Variants in ZNHIT6 observed in about 807,000 individuals in gnomAD.
ZNHIT6 encodes zinc finger HIT-type containing 6, also known as box C/D snoRNA protein 1.
ZNHIT6 carries 45 observed loss-of-function variants against 57.2 expected under a neutral mutation model. That is an observed-to-expected ratio of 0.79 (90% CI 0.62 to 1.01). The LOEUF (loss-of-function observed/expected upper bound fraction) is 1.01. ZNHIT6 is among the 50% of genes least tolerant of loss of function. The pLI, the probability that ZNHIT6 is intolerant of heterozygous loss-of-function variation, is 0.00. For synonymous variants in ZNHIT6, 188 were observed against 190.0 expected, an observed-to-expected ratio of 0.99 and a Z score of 0.09; for missense variants, 528 against 567.3, an observed-to-expected ratio of 0.93 and a Z score of 0.70.
At chr1:85,705,010 A>G (rs973396243) in intron 4 of ZNHIT6, among the ~76,000 whole-genome samples, 1 of 152,204 alleles carries the variant, frequency 6.6e-6, no homozygotes, top group African/African-American at 2.4e-5. Context: ...TCCCTTCCCA[A>G]TAATTCAAAC....
At chr1:85,682,016 C>CTT (rs11394559) in intron 5 of ZNHIT6, among the ~76,000 whole-genome samples, 1,400 of 132,238 alleles carry the variant, frequency 0.011, 58 homozygotes, top group Admixed American at 0.06. Flanking sequence ...TTTTGTTCAT[C>CTT]TTTTTTTTTT....
At chr1:85,668,417 T>A (rs936702713) in intron 8 of ZNHIT6, among the ~76,000 whole-genome samples, 2 of 152,146 alleles carry the variant, frequency 1.3e-5, no homozygotes, top group African/African-American at 4.8e-5. Flanking sequence ...CGTAATCCCA[T>A]CTAGAGAGCA....
chr1:85,686,166 T>C (rs1039864516), intron 5 of ZNHIT6, among the ~76,000 whole-genome samples: 2 of 151,426 alleles, frequency 1.3e-5, no homozygotes, highest in Admixed American at 1.3e-4. Context: ...TTTCACTATG[T>C]TAGCCAGGAT....
At chr1:85,687,299 C>CAAAAAAAAAAAAAAAA (rs55889012) in intron 5 of ZNHIT6, among the ~76,000 whole-genome samples, 1 of 77,936 alleles carries the variant, frequency 1.3e-5, no homozygotes, top group Non-Finnish European at 2.3e-5. Flanking sequence ...AAAAAAAAAA[C>CAAAAAAAAAAAAAAAA]AAAAAAAAAA....
intron 5 of ZNHIT6, among the ~76,000 whole-genome samples, chr1:85,695,633 A>G (rs1203047377): frequency 6.6e-6 from 1 of 152,246 alleles, no homozygotes; most frequent in Non-Finnish European, 1.5e-5. Flanking sequence ...TTAGAGTAAC[A>G]TGTAATGCCC....
In ZNHIT6 at chr1:85,653,198, A is replaced by T. The variant is rs1022556554; in HGVS notation, c.*860T>A. 1.3e-5 allele frequency: 2 copies of T among 152,196 alleles called. No homozygotes were observed. The highest frequency in any genetic ancestry group is 4.8e-5 in the African/African-American group (2 of 41,456). 9.4% of individuals were successfully genotyped at this position (152,196 alleles called of 1,614,324 possible). On this transcript the variant is annotated 3_prime_UTR_variant, in exon 10 of 10. Coordinates refer to ENST00000370574, the MANE Select transcript of ZNHIT6 (RefSeq NM_017953.4). Reference sequence around the variant, plus strand: ...CAATGTGGAGCCACTGATTTTCTGAAGTGAATATAAGAAACAGTAGTTAAT... The same window carrying T: ...CAATGTGGAGCCACTGATTTTCTGATGTGAATATAAGAAACAGTAGTTAAT...
intron 5 of ZNHIT6, among the ~76,000 whole-genome samples, chr1:85,690,550 T>C (rs1246098061): frequency 6.6e-6 from 1 of 151,974 alleles, no homozygotes; most frequent in African/African-American, 2.4e-5. Flanking sequence ...AGTCCTCCTC[T>C]GTGCTACCAT....
chr1:85,708,258 C>A lies in ZNHIT6; in HGVS notation c.27G>T (p.Gly9=). The part of the protein sequence containing the change: MEFAAENE[G]KSGGGLHSVA... The stretch of plus-strand genomic sequence containing the variant: ...CGCTGTGGAGACCTCCCCCAGACTT[C>A]CCTTCATTTTCAGCAGCAAACTCCA... Residue 9 remains glycine (G), a synonymous_variant, in exon 1 of 10, where the codon GGG becomes GGT. Transcript: ENST00000370574. The A allele has an allele frequency of 5.0e-6, 8 of 1,603,882 alleles. No homozygotes were observed. Among genetic ancestry groups the A allele is most frequent in the Non-Finnish European group, 6.0e-6 (7 of 1,172,752 alleles).
intron 5 of ZNHIT6, among the ~76,000 whole-genome samples, chr1:85,698,496 CTT>C (rs2100713464): frequency 6.6e-6 from 1 of 152,180 alleles, no homozygotes; most frequent in Admixed American, 6.5e-5. Context: ...TAAATGTAGA[CTT>C]TATAGAAAAG....
In ZNHIT6 at chr1:85,680,830, T is replaced by C. The variant is rs1570309755; in HGVS notation, c.1088+6A>G. ...CAAATCAGTGATTGAAAGATAGCAG[T>C]GATACCTTTTTTCTATGTACTCAGC... On this transcript the variant is annotated splice_donor_region_variant and intron_variant, in intron 6 of 9. Transcript: ENST00000370574. The C allele has an allele frequency of 6.2e-7, 1 of 1,606,372 alleles. No homozygotes were observed. Among genetic ancestry groups the C allele is most frequent in the Non-Finnish European group, 8.5e-7 (1 of 1,175,374 alleles).
chr1:85,667,947 C>CAAAAAAAAAAAA lies in ZNHIT6; in HGVS notation c.1247+9277_1247+9288dup, dbSNP rs1156795211. 1.6e-3 allele frequency among the ~76,000 whole-genome samples: 15 copies of CAAAAAAAAAAAA among 9,256 alleles called. 3 individuals carry two copies. Among genetic ancestry groups the CAAAAAAAAAAAA allele is most frequent in the Non-Finnish European group, 2.9e-3 (13 of 4,546 alleles). 6.1% of individuals were successfully genotyped at this position (9,256 alleles called of 152,430 possible). A position where few individuals can be genotyped will look rare whatever the true frequency, so the allele number is the denominator to read the frequency against. Reference sequence around the variant, plus strand: ...AGACTCATTCACTCACTCTCTCTTTCAAAAAAAAAAAAAAATATATATATA... The same window carrying CAAAAAAAAAAAA: ...AGACTCATTCACTCACTCTCTCTTTCAAAAAAAAAAAAAAAAAAAAAAAAAAATATATATATA... On this transcript the variant is annotated intron_variant, in intron 8 of 9. Coordinates refer to ENST00000370574, the MANE Select transcript of ZNHIT6 (RefSeq NM_017953.4).
At chr1:85,654,700 T>C (rs80007576) in intron 9 of ZNHIT6, among the ~76,000 whole-genome samples, 9,353 of 152,290 alleles carry the variant, frequency 0.061, 376 homozygotes, top group African/African-American at 0.11. Flanking sequence ...GCTGAATCAA[T>C]GTAACTGCAA....
chr1:85,705,970 G>C (rs1230094971), intron 4 of ZNHIT6, 108 bp downstream of exon 4: 1 of 898,316 alleles, frequency 1.1e-6, no homozygotes, highest in South Asian at 1.8e-5. Context: ...AATCAGAATA[G>C]CTCTACATCA....
chr1:85,665,296 ATTTTTT>A (rs890742141), intron 8 of ZNHIT6, among the ~76,000 whole-genome samples: 1 of 144,906 alleles, frequency 6.9e-6, no homozygotes, highest in Non-Finnish European at 1.5e-5. Context: ...TTTGATTTTT[ATTTTTT>A]TTTGTAGAGA....
At chr1:85,687,151 TC>T (rs1662068161) in intron 5 of ZNHIT6, among the ~76,000 whole-genome samples, 1 of 150,780 alleles carries the variant, frequency 6.6e-6, no homozygotes, top group Non-Finnish European at 1.5e-5. Context: ...TTGGTGGCGC[TC>T]AACTGTAGTC....
chr1:85,668,955 A>T (rs1367852322), intron 8 of ZNHIT6, among the ~76,000 whole-genome samples: 1 of 152,104 alleles, frequency 6.6e-6, no homozygotes, highest in East Asian at 1.9e-4. Flanking sequence ...GGAAAAACTT[A>T]TATCATGGTC....
chr1:85,671,804 C>T (rs1237055534), intron 8 of ZNHIT6, among the ~76,000 whole-genome samples: 1 of 152,132 alleles, frequency 6.6e-6, no homozygotes, highest in Non-Finnish European at 1.5e-5. Flanking sequence ...ATTAAAAACA[C>T]AATTTTGACT....
At chr1:85,669,719 A>G (rs1661497698) in intron 8 of ZNHIT6, among the ~76,000 whole-genome samples, 1 of 152,224 alleles carries the variant, frequency 6.6e-6, no homozygotes, top group African/African-American at 2.4e-5. Context: ...CTTTCCATCA[A>G]GAAATGATTA....
chr1:85,658,521 T>A (rs372994090), intron 8 of ZNHIT6, among the ~76,000 whole-genome samples: 2 of 149,632 alleles, frequency 1.3e-5, no homozygotes, highest in East Asian at 2.1e-4. Context: ...TGAGCCACCA[T>A]GACCAGCCTA....
Sources: allele counts gnomAD v4.1 joint callset (sites outside exome capture counted in the v4.1 genomes callset), GRCh38; gene constraint gnomAD v4.1.1; transcripts MANE v1.5; gene names NCBI Gene and HGNC (gene_info 2026-07-23, HGNC 2026-07-21).